Variants in TMOD3 observed in about 807,000 individuals in gnomAD.
TMOD3 encodes tropomodulin 3, also known as tropomodulin-3.
A neutral mutation model predicts 39.2 loss-of-function variants in TMOD3; 20 were observed. The observed-to-expected ratio is 0.51, with a 90% CI of 0.36 to 0.74. The LOEUF (loss-of-function observed/expected upper bound fraction) is 0.74. TMOD3 is among the 30% of genes least tolerant of loss of function. The pLI, the probability that TMOD3 is intolerant of heterozygous loss-of-function variation, is 0.00. For missense variants in TMOD3, 381 were observed against 412.8 expected (o/e 0.92, Z 0.67); for synonymous variants, 143 against 145.8 (o/e 0.98, Z 0.14).
chr15:51,853,190 T>C (rs1031196646), intron 1 of TMOD3, among the ~76,000 whole-genome samples: 1 of 152,144 alleles, frequency 6.6e-6, no homozygotes, highest in Admixed American at 6.5e-5. Context: ...GATGATGAAA[T>C]ATTGCCTTCT....
At chr15:51,857,732 T>C (rs1054092063) in intron 1 of TMOD3, among the ~76,000 whole-genome samples, 1 of 152,100 alleles carries the variant, frequency 6.6e-6, no homozygotes, top group African/African-American at 2.4e-5. Flanking sequence ...TAAAGCACAT[T>C]AAAAACTTTT....
chr15:51,889,750 C>T (rs1245405555), intron 5 of TMOD3, among the ~76,000 whole-genome samples: 1 of 152,122 alleles, frequency 6.6e-6, no homozygotes, highest in East Asian at 1.9e-4. Flanking sequence ...TCTCTAGTCT[C>T]AGCTACTTGG....
At chr15:51,877,967 T>A (rs1424131020) in intron 3 of TMOD3, among the ~76,000 whole-genome samples, 2 of 152,180 alleles carry the variant, frequency 1.3e-5, no homozygotes, top group Non-Finnish European at 2.9e-5. Context: ...ACACTCAGTG[T>A]GACCCTCTGC....
At chr15:51,838,351 A>C (rs1439387943) in intron 1 of TMOD3, among the ~76,000 whole-genome samples, 1 of 152,192 alleles carries the variant, frequency 6.6e-6, no homozygotes, top group Non-Finnish European at 1.5e-5. Context: ...CTTTATGTGC[A>C]TGTCTCATTT....
rs1403696536 is a variant in TMOD3, at chr15:51,911,857, C to T, written c.*3047C>T. On this transcript the variant is annotated 3_prime_UTR_variant, in exon 10 of 10. Coordinates refer to ENST00000308580, the MANE Select transcript of TMOD3 (RefSeq NM_014547.5). ...AGAATTCTCAAGAATAGGTGAAATACACTTTCAAAGTTGCCTGTCATTTAA... is the reference window on the plus strand; with the variant it reads ...AGAATTCTCAAGAATAGGTGAAATATACTTTCAAAGTTGCCTGTCATTTAA... 1 of 152,116 alleles carries T rather than the reference C, an allele frequency of 6.6e-6. No homozygotes were observed. The highest frequency in any genetic ancestry group is 1.9e-4 in the East Asian group (1 of 5,190). 9.4% of individuals were successfully genotyped at this position (152,116 alleles called of 1,614,324 possible).
intron 2 of TMOD3, among the ~76,000 whole-genome samples, chr15:51,863,594 T>C (rs2056430064): frequency 6.6e-6 from 1 of 152,202 alleles, no homozygotes; most frequent in Non-Finnish European, 1.5e-5. Context: ...TACACAAGGC[T>C]AAGATAGACA....
Position 51,862,987 on chromosome 15 carries a change from G to A in TMOD3, c.103G>A (p.Val35Ile). 1 of 1,613,622 alleles carries A rather than the reference G, an allele frequency of 6.2e-7. No homozygotes were observed. ...SETELKQLET[V>I]LDDLDPENAL... is the part of the protein sequence containing the mutation. Reference sequence around the variant, plus strand: ...AACAGAACTGAAACAACTGGAAACTGTTTTGGATGATCTTGACCCCGAGGT... The same window carrying A: ...AACAGAACTGAAACAACTGGAAACTATTTTGGATGATCTTGACCCCGAGGT... The change falls in exon 2 of 10, where the codon GTT becomes ATT. Residue 35 changes from valine to isoleucine, a missense_variant. Physicochemically the swap from Val to Ile is conservative, Grantham distance 29 (BLOSUM62 3). Coordinates refer to ENST00000308580, the MANE Select transcript of TMOD3 (RefSeq NM_014547.5).
At chr15:51,840,799 C>G (rs2056309471) in intron 1 of TMOD3, among the ~76,000 whole-genome samples, 1 of 152,160 alleles carries the variant, frequency 6.6e-6, no homozygotes, top group African/African-American at 2.4e-5. Context: ...TTTATAGGCT[C>G]TTAGAAACTG....
chr15:51,885,497 C>A (rs184241656), intron 3 of TMOD3, among the ~76,000 whole-genome samples: 128 of 152,212 alleles, frequency 8.4e-4, no homozygotes, highest in Middle Eastern at 3.4e-3. Context: ...TGACTCTCAA[C>A]GAGCATGCTG....
intron 1 of TMOD3, among the ~76,000 whole-genome samples, chr15:51,839,163 C>CTTTTTTTTTATTTTTTTTTTTT (rs111813783): frequency 9.1e-6 from 1 of 109,784 alleles, no homozygotes; most frequent in Non-Finnish European, 2.0e-5. Context: ...AGGTGTATCT[C>CTTTTTTTTTATTTTTTTTTTTT]TCTTTTTTTT....
intron 5 of TMOD3, 127 bp from the exon 6 acceptor site, chr15:51,893,688 C>G: frequency 1.2e-6 from 1 of 846,894 alleles, no homozygotes; most frequent in Non-Finnish European, 1.6e-6. Context: ...TGGCTTGAAC[C>G]CGGGAGGCGG....
rs554553016 is a variant in TMOD3 at position 51,862,917 on chromosome 15, G to A, written c.33G>A (p.Lys11=). MALPFRKDLE[K]YKDLDEDELL... is the part of the protein sequence containing the mutation. ...TGCCATTCCGTAAGGACTTAGAAAAGTACAAAGACCTTGATGAAGATGAGC... is the reference window on the plus strand; with the variant it reads ...TGCCATTCCGTAAGGACTTAGAAAAATACAAAGACCTTGATGAAGATGAGC... Residue 11 remains lysine (K), a synonymous_variant, in exon 2 of 10, where the codon AAG becomes AAA. Coordinates refer to ENST00000308580, the MANE Select transcript of TMOD3 (RefSeq NM_014547.5). 129 of 1,613,990 alleles carry A rather than the reference G, an allele frequency of 8.0e-5. 1 individual carries two copies. The South Asian group carries it at 1.4e-3, about 17-fold the overall frequency.
intron 2 of TMOD3, among the ~76,000 whole-genome samples, chr15:51,867,000 G>A (rs1348384381): frequency 6.6e-6 from 1 of 152,186 alleles, no homozygotes; most frequent in African/African-American, 2.4e-5. Flanking sequence ...GTTGCAAAAA[G>A]GGATAGGCAG....
intron 1 of TMOD3, among the ~76,000 whole-genome samples, chr15:51,831,665 C>CT (rs2056255774): frequency 6.6e-6 from 1 of 152,210 alleles, no homozygotes; most frequent in South Asian, 2.1e-4. Flanking sequence ...CCTATGAACT[C>CT]TAACAAGAAC....
chr15:51,869,156 C>T (rs555088865), intron 2 of TMOD3, 61 bp from the exon 3 acceptor site: 33 of 1,548,662 alleles, frequency 2.1e-5, no homozygotes, highest in Middle Eastern at 3.4e-4. Context: ...GGGTAATCTT[C>T]GGAAGCATAT....
chr15:51,884,420 A>G (rs1304551928), intron 3 of TMOD3: 1 of 152,224 alleles, frequency 6.6e-6, no homozygotes, highest in Non-Finnish European at 1.5e-5. Context: ...ATTTGATTTC[A>G]GTTTGGGACA....
intron 3 of TMOD3, 102 bp from the exon 4 acceptor site, chr15:51,887,487 C>A: frequency 3.3e-6 from 4 of 1,212,922 alleles, no homozygotes; most frequent in Non-Finnish European, 4.5e-6. Context: ...CGATGTTAAT[C>A]TTTTCCTTCA....
At chr15:51,897,482 A>ATTTTTTTTTT (rs1167476019) in intron 7 of TMOD3, among the ~76,000 whole-genome samples, 1 of 113,084 alleles carries the variant, frequency 8.8e-6, no homozygotes, top group Non-Finnish European at 1.7e-5. Flanking sequence ...AAAAAAAAAA[A>ATTTTTTTTTT]TTTTTTTTTT....
At chr15:51,858,527 G>C (rs1401484072) in intron 1 of TMOD3, among the ~76,000 whole-genome samples, 2 of 151,764 alleles carry the variant, frequency 1.3e-5, no homozygotes, top group African/African-American at 4.8e-5. Context: ...CAAGTTGCCT[G>C]CAATGTAGTA....
Sources: allele counts gnomAD v4.1 joint callset (sites outside exome capture counted in the v4.1 genomes callset), GRCh38; gene constraint gnomAD v4.1.1; transcripts MANE v1.5; gene names NCBI Gene and HGNC (gene_info 2026-07-23, HGNC 2026-07-21).